The following DSG4 variants were observed in gnomAD, a reference collection of about 807,000 sequenced individuals.
DSG4 encodes desmoglein 4.
In DSG4, 87 loss-of-function variants were observed where a neutral mutation model predicts 93.1. The ratio of observed to expected loss-of-function variants is 0.93; its 90% CI spans 0.79 to 1.12. The LOEUF (loss-of-function observed/expected upper bound fraction) is 1.12, where lower values mean the gene tolerates loss of function less well. Ranked by LOEUF, DSG4 falls within the 50% of genes most tolerant of loss-of-function variation. The pLI is 0.00. For synonymous variants in DSG4, 432 were observed against 452.9 expected (o/e 0.95, Z 0.59); for missense variants, 1,373 against 1,285.7 (o/e 1.07, Z -1.04).
In DSG4 at chr18:31,386,828, T is replaced by G; in HGVS notation, c.216+9T>G. The G allele has an allele frequency of 6.2e-7, 1 of 1,612,924 alleles. No individual in the cohort carries two copies. Among genetic ancestry groups the G allele is most frequent in the Non-Finnish European group, 8.5e-7 (1 of 1,179,086 alleles). ...GGAACCCCATTGCCAAAGTAAGTGA[T>G]GAAGCAATCTGATGACAAATGCTTT... On this transcript the variant is annotated intron_variant, in intron 3 of 15. Transcript: ENST00000308128.
At position 31,399,296 on chromosome 18, in the gene DSG4, A is replaced by G. The variant is rs779728387; in HGVS notation, c.1030A>G (p.Asn344Asp). Residue 344 changes from asparagine (N) to aspartate (D), a missense_variant, in exon 9 of 16, where the codon AAC becomes GAC. Transcript: ENST00000308128. ...VKMLDYEQAP[N>D]IQLSIGVKNQ... The stretch of plus-strand genomic sequence containing the variant: ...GATGCTGGATTATGAACAAGCACCT[A>G]ACATTCAGCTTAGTATCGGAGTTAA... The G allele has an allele frequency of 6.2e-7, 1 of 1,614,068 alleles. No individual in the cohort carries two copies. Among genetic ancestry groups the G allele is most frequent in the Non-Finnish European group, 8.5e-7 (1 of 1,179,958 alleles).
intron 1 of DSG4, among the ~76,000 whole-genome samples, chr18:31,381,942 T>C (rs1206661278): frequency 6.6e-6 from 1 of 152,152 alleles, no homozygotes; most frequent in African/African-American, 2.4e-5. Flanking sequence ...GTGCTGGGAT[T>C]ACAGGCATAA....
At chr18:31,410,389 A>G (rs1159317974) in intron 14 of DSG4, among the ~76,000 whole-genome samples, 2 of 151,608 alleles carry the variant, frequency 1.3e-5, no homozygotes, top group African/African-American at 2.4e-5. Flanking sequence ...ATTATATATA[A>G]CATACATGTG....
intron 12 of DSG4, among the ~76,000 whole-genome samples, chr18:31,406,838 C>G (rs925829086): frequency 6.6e-6 from 1 of 151,608 alleles, no homozygotes; most frequent in South Asian, 2.1e-4. Flanking sequence ...AGTGCAGTGG[C>G]GCAACCTCGG....
At chr18:31,381,817 C>T (rs550167196) in intron 1 of DSG4, among the ~76,000 whole-genome samples, 84 of 150,304 alleles carry the variant, frequency 5.6e-4, no homozygotes, top group Middle Eastern at 3.4e-3. Context: ...CCCGCCACCA[C>T]GCCCAGCTAA....
chr18:31,391,384 T>C (rs1385388021), intron 7 of DSG4, among the ~76,000 whole-genome samples, 172 bp downstream of exon 7: 5 of 152,172 alleles, frequency 3.3e-5, no homozygotes, highest in Non-Finnish European at 7.4e-5. Flanking sequence ...TACCTTCAAA[T>C]TGTATGTTTG....
rs112913648 is a variant in DSG4 at position 31,376,811 on chromosome 18, T to C, written c.-101T>C. On this transcript the variant is annotated 5_prime_UTR_variant, in exon 1 of 16. Transcript: ENST00000308128. ...TATCACCCATGCCCTCCTAAAAGGG[T>C]GTCTCAAAGCATATCTTTCTGTAGA... is the stretch of plus-strand genomic sequence containing the variant. 1.2e-5 allele frequency: 15 copies of C among 1,281,234 alleles called. No individual in the cohort carries two copies. The highest frequency in any genetic ancestry group is 1.9e-4 in the Middle Eastern group (1 of 5,386). The allele number at this position is 1,281,234 out of a possible 1,614,324, so 79.4% of individuals were successfully genotyped here. A position where few individuals can be genotyped will look rare whatever the true frequency, so the allele number is the denominator to read the frequency against.
At chr18:31,402,745 T>C (rs970476920) in intron 10 of DSG4, among the ~76,000 whole-genome samples, 1 of 151,952 alleles carries the variant, frequency 6.6e-6, no homozygotes, top group Non-Finnish European at 1.5e-5. Flanking sequence ...GAACATAGAG[T>C]AGAAAAGTGG....
In DSG4 at chr18:31,409,555, G is replaced by A; in HGVS notation, c.2037G>A (p.Gln679=). The A allele has an allele frequency of 6.2e-7, 1 of 1,614,220 alleles. No homozygotes were observed. Among genetic ancestry groups the A allele is most frequent in the African/African-American group, 1.3e-5 (1 of 75,056 alleles). The change falls in exon 13 of 16, where the codon CAG becomes CAA. Residue 679 remains glutamine, a synonymous_variant. Coordinates refer to ENST00000308128, the MANE Select transcript of DSG4 (RefSeq NM_177986.5). ...PVPEGGEGVM[Q]SWRIEGAHPE... ...CTGAGGGCGGAGAAGGAGTGATGCAGTCTTGGAGAATTGAAGGGGCCCATC... is the reference window on the plus strand; with the variant it reads ...CTGAGGGCGGAGAAGGAGTGATGCAATCTTGGAGAATTGAAGGGGCCCATC...
At chr18:31,377,035 A>C in intron 1 of DSG4, 76 bp downstream of exon 1, 1 of 1,472,956 alleles carries the variant, frequency 6.8e-7, no homozygotes, top group Non-Finnish European at 9.4e-7. Context: ...GGCTTTCTAC[A>C]TGGGATTTAT....
chr18:31,377,074 G>T (rs2072085412), intron 1 of DSG4, 115 bp downstream of exon 1: 3 of 1,174,900 alleles, frequency 2.6e-6, no homozygotes, highest in Non-Finnish European at 2.5e-6. Flanking sequence ...CCTGCAAAGA[G>T]AGTTCTAGAA....
intron 8 of DSG4, among the ~76,000 whole-genome samples, chr18:31,392,571 T>C (rs2072261730): frequency 6.6e-6 from 1 of 152,208 alleles, no homozygotes; most frequent in Admixed American, 6.5e-5. Context: ...CAGTGTCCAA[T>C]ATCTAGTTGT....
chr18:31,403,986 T>C (rs1379683965), intron 11 of DSG4, among the ~76,000 whole-genome samples: 1 of 152,206 alleles, frequency 6.6e-6, no homozygotes, highest in Non-Finnish European at 1.5e-5. Context: ...AATTCCCTAT[T>C]CTGAATAAAT....
At chr18:31,401,384 G>T (rs981248043) in intron 10 of DSG4, among the ~76,000 whole-genome samples, 1 of 152,248 alleles carries the variant, frequency 6.6e-6, no homozygotes, top group African/African-American at 2.4e-5. Flanking sequence ...TTCATTTGGG[G>T]ATCACCTTGT....
In DSG4 at chr18:31,391,226, C is replaced by T. The variant is rs753448411; in HGVS notation, c.819+14C>T. ...GAGAAAACTTCAGTAAGTTTGTATT[C>T]TTATCTTCCTTTTTCCATAAGTGTC... On this transcript the variant is annotated intron_variant, in intron 7 of 15. Transcript: ENST00000308128. 6.2e-7 allele frequency: 1 copy of T among 1,613,066 alleles called. No homozygotes were observed. The highest frequency in any genetic ancestry group is 8.5e-7 in the Non-Finnish European group (1 of 1,179,366).
At chr18:31,381,693 A>G (rs1308979733) in intron 1 of DSG4, among the ~76,000 whole-genome samples, 2 of 151,862 alleles carry the variant, frequency 1.3e-5, no homozygotes, top group Non-Finnish European at 1.5e-5. Context: ...GGAGTCTTGC[A>G]ATGTTGCCCA....
In DSG4 at chr18:31,403,645, C is replaced by G. The variant is rs950867130; in HGVS notation, c.1636+11C>G. 2 of 1,613,414 alleles carry G rather than the reference C, an allele frequency of 1.2e-6. No homozygotes were observed. The highest frequency in any genetic ancestry group is 2.2e-5 in the South Asian group (2 of 91,042). Reference sequence around the variant, plus strand: ...TCAGATCAACAAATGGTAAGTGAAACGTAAGCTTGTTTTTTGGACTTTAAG... The same window carrying G: ...TCAGATCAACAAATGGTAAGTGAAAGGTAAGCTTGTTTTTTGGACTTTAAG... On this transcript the variant is annotated intron_variant, in intron 11 of 15. Transcript: ENST00000308128.
chr18:31,409,549 G>T lies in DSG4; in HGVS notation c.2031G>T (p.Val677=). Residue 677 remains valine (V), a synonymous_variant, in exon 13 of 16, where the codon GTG becomes GTT. Transcript: ENST00000308128. ...CTGTGCCTGAGGGCGGAGAAGGAGT[G>T]ATGCAGTCTTGGAGAATTGAAGGGG... ...FAPVPEGGEG[V]MQSWRIEGAH... 1 of 1,614,214 alleles carries T rather than the reference G, an allele frequency of 6.2e-7. No homozygotes were observed. The highest frequency in any genetic ancestry group is 8.5e-7 in the Non-Finnish European group (1 of 1,180,046).
intron 15 of DSG4, 62 bp from the exon 16 acceptor site, chr18:31,412,766 G>A (rs2072508505): frequency 1.9e-6 from 3 of 1,577,334 alleles, no homozygotes; most frequent in East Asian, 4.5e-5. Context: ...AGGGATTGCT[G>A]TTATTCTTCC....
Sources: gnomAD v4.1 joint callset for allele counts (sites outside exome capture counted in the v4.1 genomes callset) on GRCh38, gnomAD v4.1.1 for gene constraint, MANE v1.5 for transcripts, NCBI Gene and HGNC (gene_info 2026-07-23, HGNC 2026-07-21) for gene names.